Variants in MAD1L1 observed in about 807,000 individuals in gnomAD.
MAD1L1 encodes the protein mitotic spindle assembly checkpoint protein MAD1.
Under a neutral mutation model 96.9 loss-of-function variants are expected in MAD1L1, and 95 were observed. That is an observed-to-expected ratio of 0.98 (90% CI 0.83 to 1.16). The LOEUF is 1.16. Ranked by LOEUF, MAD1L1 falls within the 50% of genes most tolerant of loss-of-function variation. The probability of loss-of-function intolerance (pLI) is 0.00; values close to 1 mark genes in which losing one functional copy is unlikely to be tolerated. For synonymous variants in MAD1L1, 473 were observed against 396.6 expected, an observed-to-expected ratio of 1.19 and a Z score of -2.29; for missense variants, 1,007 against 954.4, an observed-to-expected ratio of 1.06 and a Z score of -0.73.
intron 17 of MAD1L1, among the ~76,000 whole-genome samples, chr7:1,914,067 C>T (rs1788200151): frequency 6.6e-6 from 1 of 152,314 alleles, no homozygotes; most frequent in South Asian, 2.1e-4. Flanking sequence ...CAAGCCCAGG[C>T]ACCGCGTCCA....
chr7:2,018,069 G>A lies in MAD1L1; in HGVS notation c.1219-3427C>T, dbSNP rs576969546. ...TGCTGCAGGCAGGGGAGATATGGACGGAGGCACCGCAGTGGGCAGAGACCG... is the reference window on the plus strand; with the variant it reads ...TGCTGCAGGCAGGGGAGATATGGACAGAGGCACCGCAGTGGGCAGAGACCG... On this transcript the variant is annotated intron_variant, in intron 12 of 18. Transcript: ENST00000265854. 3.3e-5 allele frequency among the ~76,000 whole-genome samples: 5 copies of A among 152,278 alleles called. 1 individual carries two copies. The East Asian group carries it at 5.8e-4, about 18-fold the overall frequency.
intron 16 of MAD1L1, among the ~76,000 whole-genome samples, chr7:1,955,656 GACA>G (rs564064909): frequency 2.4e-3 from 369 of 152,272 alleles, no homozygotes; most frequent in African/African-American, 8.7e-3. Context: ...CCAGCACGGT[GACA>G]ACAAGCCATT....
At chr7:1,964,187 G>A (rs1261462861) in intron 15 of MAD1L1, among the ~76,000 whole-genome samples, 1 of 152,184 alleles carries the variant, frequency 6.6e-6, no homozygotes, top group Non-Finnish European at 1.5e-5. Context: ...GATGAGTGAC[G>A]ACATGGTGGG....
At chr7:1,831,000 C>T (rs1228705321) in intron 18 of MAD1L1, among the ~76,000 whole-genome samples, 1 of 152,270 alleles carries the variant, frequency 6.6e-6, no homozygotes, top group Non-Finnish European at 1.5e-5. Flanking sequence ...TTAAGAAGCA[C>T]ATTTTAACTA....
chr7:2,232,120 G>A (rs892550241), intron 1 of MAD1L1, among the ~76,000 whole-genome samples: 2 of 152,184 alleles, frequency 1.3e-5, no homozygotes, highest in African/African-American at 4.8e-5. Flanking sequence ...CAACACCGGC[G>A]CTTACTATGG....
rs563661495 is a variant in MAD1L1, at chr7:1,918,837, G to A, written c.1807+17850C>T. 3.0e-3 allele frequency among the ~76,000 whole-genome samples: 450 copies of A among 152,222 alleles called. 1 individual carries two copies. Among genetic ancestry groups the A allele is most frequent in the African/African-American group, 0.01 (420 of 41,556 alleles). Reference sequence around the variant, plus strand: ...AGACCACAGCTCCCGGCCCCAGGGCGACTGGTGCTGTGGCTACTCCTGGCC... The same window carrying A: ...AGACCACAGCTCCCGGCCCCAGGGCAACTGGTGCTGTGGCTACTCCTGGCC... On this transcript the variant is annotated intron_variant, in intron 17 of 18. Coordinates refer to ENST00000265854, the MANE Select transcript of MAD1L1 (RefSeq NM_001013836.2).
intron 18 of MAD1L1, among the ~76,000 whole-genome samples, chr7:1,836,814 T>G (rs1042548613): frequency 6.6e-6 from 1 of 151,308 alleles, no homozygotes; most frequent in Non-Finnish European, 1.5e-5. Context: ...AAAAAAAAAC[T>G]CAAAATGGAT....
intron 16 of MAD1L1, among the ~76,000 whole-genome samples, chr7:1,939,141 C>CTCCCGCCAAGTGCTGAGATTCTG: frequency 7.4e-6 from 1 of 135,772 alleles, no homozygotes; most frequent in African/African-American, 2.8e-5. Flanking sequence ...CGGGCCAGGG[C>CTCCCGCCAAGTGCTGAGATTCTG]CGGGACCAGA....
chr7:1,856,259 G>A (rs10263994), intron 18 of MAD1L1, among the ~76,000 whole-genome samples: 2,027 of 152,298 alleles, frequency 0.013, 44 homozygotes, highest in African/African-American at 0.044. Flanking sequence ...CCAGCAGGTC[G>A]GGTTGGGCGC....
intron 18 of MAD1L1, among the ~76,000 whole-genome samples, chr7:1,860,736 G>A (rs928924557): frequency 6.6e-6 from 1 of 152,156 alleles, no homozygotes; most frequent in Non-Finnish European, 1.5e-5. Flanking sequence ...GCATCACCCC[G>A]GGGCCTGACC....
In MAD1L1 at chr7:1,936,673, T is replaced by TC. The variant is rs1562539529; in HGVS notation, c.1807+13_1807+14insG. The stretch of plus-strand genomic sequence containing the variant: ...GGTCGAGGATGGCAGGGACCGGGGG[T>TC]GGGGGGTGCCTACCTGCCACCTCCT... On this transcript the variant is annotated intron_variant, in intron 17 of 18. Coordinates refer to ENST00000265854, the MANE Select transcript of MAD1L1 (RefSeq NM_001013836.2). The TC allele has an allele frequency of 6.5e-7, 1 of 1,543,392 alleles. No individual in the cohort carries two copies. The highest frequency in any genetic ancestry group is 1.2e-5 in the South Asian group (1 of 83,770).
intron 11 of MAD1L1, among the ~76,000 whole-genome samples, chr7:2,111,964 C>G (rs1043819662): frequency 1.2e-4 from 18 of 152,230 alleles, no homozygotes; most frequent in Non-Finnish European, 1.5e-5. Context: ...ACATTTCCAG[C>G]AGCTTTACTC....
At chr7:1,859,262 T>C (rs1283315909) in intron 18 of MAD1L1, among the ~76,000 whole-genome samples, 1 of 152,166 alleles carries the variant, frequency 6.6e-6, no homozygotes, top group Admixed American at 6.5e-5. Context: ...GCAGCAGCTG[T>C]GATGATCAGA....
In MAD1L1 at chr7:2,217,898, CAG is replaced by C. The variant is rs536190375; in HGVS notation, c.678+62_678+63del. On this transcript the variant is annotated intron_variant, in intron 7 of 18. Transcript: ENST00000265854. ...CTCGGCACCAGCGCAGAAAGGCCGA[CAG>C]GGGCAGGAGAGTCAAGGCCACCACA... 1.5e-4 allele frequency: 214 copies of C among 1,392,748 alleles called. 1 individual carries two copies. The African/African-American group carries it at 2.4e-3, about 16-fold the overall frequency. The allele number at this position is 1,392,748 out of a possible 1,614,324, so 86.3% of individuals were successfully genotyped here.
chr7:1,866,886 G>T (rs1255212957), intron 18 of MAD1L1, among the ~76,000 whole-genome samples: 1 of 152,214 alleles, frequency 6.6e-6, no homozygotes, highest in East Asian at 1.9e-4. Context: ...GCTGGGCCAG[G>T]CTCCTGCAGG....
At chr7:2,225,260 ATCT>A in intron 4 of MAD1L1, 147 bp downstream of exon 4, 1 of 226,164 alleles carries the variant, frequency 4.4e-6, no homozygotes, top group South Asian at 5.1e-5. Flanking sequence ...AGGGACTGGG[ATCT>A]GATTTCTTAA....
At chr7:2,125,004 T>C (rs1035303940) in intron 11 of MAD1L1, among the ~76,000 whole-genome samples, 2 of 152,138 alleles carry the variant, frequency 1.3e-5, no homozygotes, top group African/African-American at 4.8e-5. Flanking sequence ...GGGATGCAGG[T>C]GGTTCCTGCT....
intron 15 of MAD1L1, among the ~76,000 whole-genome samples, chr7:1,976,605 G>A (rs993359994): frequency 6.6e-6 from 1 of 152,212 alleles, no homozygotes; most frequent in Non-Finnish European, 1.5e-5. Flanking sequence ...GCGTGGAAGG[G>A]GACCCCAGCG....
chr7:2,099,437 G>A (rs1786666331), intron 11 of MAD1L1, among the ~76,000 whole-genome samples: 1 of 152,224 alleles, frequency 6.6e-6, no homozygotes, highest in South Asian at 2.1e-4. Context: ...GATAAGTAAT[G>A]TTTCTAATCT....
Sources: allele counts gnomAD v4.1 joint callset (sites outside exome capture counted in the v4.1 genomes callset), GRCh38; gene constraint gnomAD v4.1.1; transcripts MANE v1.5; gene names NCBI Gene and HGNC (gene_info 2026-07-23, HGNC 2026-07-21).